FAM227B: variants seen among roughly 807,000 people sequenced by gnomAD.
The protein encoded by FAM227B is protein FAM227B.
FAM227B carries 88 observed loss-of-function variants against 73.8 expected under a neutral mutation model. The observed-to-expected ratio is 1.19, with a 90% confidence interval of 1.00 to 1.42. FAM227B has a LOEUF of 1.42. Ranked by LOEUF, FAM227B falls within the 40% of genes most tolerant of loss-of-function variation. The pLI, the probability that FAM227B is intolerant of heterozygous loss-of-function variation, is 0.00. For synonymous variants in FAM227B, 210 were observed against 190.5 expected, an observed-to-expected ratio of 1.10 and a Z score of -0.84; for missense variants, 632 against 590.9, an observed-to-expected ratio of 1.07 and a Z score of -0.72.
At chr15:49,408,947 T>C (rs764818720) in intron 11 of FAM227B, among the ~76,000 whole-genome samples, 1 of 152,186 alleles carries the variant, frequency 6.6e-6, no homozygotes, top group African/African-American at 2.4e-5. Flanking sequence ...TGAATGAGTA[T>C]ATAAATTCTA....
chr15:49,605,508 T>A (rs543650534), intron 3 of FAM227B, among the ~76,000 whole-genome samples: 2 of 151,950 alleles, frequency 1.3e-5, no homozygotes, highest in East Asian at 3.9e-4. Context: ...GACACTGAAG[T>A]GGGGGTTGGC....
chr15:49,572,664 G>A (rs776055064), intron 8 of FAM227B, among the ~76,000 whole-genome samples: 7 of 151,924 alleles, frequency 4.6e-5, no homozygotes, highest in Non-Finnish European at 8.8e-5. Flanking sequence ...TATACCTTCT[G>A]TTTGAGAGCA....
rs138096640 is a variant in FAM227B at position 49,378,414 on chromosome 15, T to C, written c.1013-7015A>G. Among the ~76,000 whole-genome samples, 87 of 152,280 alleles carry C rather than the reference T, an allele frequency of 5.7e-4. 1 individual carries two copies. In the East Asian group the frequency reaches 0.016, roughly 28 times the overall value. On this transcript the variant is annotated intron_variant, in intron 11 of 15. Transcript: ENST00000299338. Reference sequence around the variant, plus strand: ...GGTTAGTATGAACATGTTAACAATATTGATTATTCCAATCTGTGAACATTG... The same window carrying C: ...GGTTAGTATGAACATGTTAACAATACTGATTATTCCAATCTGTGAACATTG...
chr15:49,585,110 T>C (rs1201840941), intron 5 of FAM227B, among the ~76,000 whole-genome samples: 1 of 152,066 alleles, frequency 6.6e-6, no homozygotes, highest in African/African-American at 2.4e-5. Context: ...TCACTGGCCA[T>C]CAGAGAAATG....
At chr15:49,378,239 C>G (rs1312429194) in intron 11 of FAM227B, among the ~76,000 whole-genome samples, 2 of 151,154 alleles carry the variant, frequency 1.3e-5, no homozygotes, top group African/African-American at 4.9e-5. Context: ...TATGCCAGTA[C>G]CATGCTGTTT....
At chr15:49,590,641 G>A (rs1284039574) in intron 3 of FAM227B, among the ~76,000 whole-genome samples, 1 of 152,038 alleles carries the variant, frequency 6.6e-6, no homozygotes, top group East Asian at 1.9e-4. Context: ...CTGCCAAAAA[G>A]GTAATTAACA....
intron 9 of FAM227B, among the ~76,000 whole-genome samples, chr15:49,560,860 A>G (rs1230761372): frequency 6.6e-6 from 1 of 152,178 alleles, no homozygotes; most frequent in African/African-American, 2.4e-5. Context: ...TACCAGCCTT[A>G]TAAGAGATCA....
intron 12 of FAM227B, among the ~76,000 whole-genome samples, chr15:49,370,961 G>T (rs1225382584): frequency 6.6e-6 from 1 of 152,148 alleles, no homozygotes; most frequent in Non-Finnish European, 1.5e-5. Flanking sequence ...TTGAAGTTTT[G>T]CCTGCAGCTT....
intron 8 of FAM227B, among the ~76,000 whole-genome samples, chr15:49,568,831 T>C (rs561637671): frequency 6.6e-6 from 1 of 152,014 alleles, no homozygotes; most frequent in Non-Finnish European, 1.5e-5. Context: ...ATAAAAGATA[T>C]TGGTAGTTTC....
intron 3 of FAM227B, among the ~76,000 whole-genome samples, chr15:49,605,552 G>A (rs2077463642): frequency 6.6e-6 from 1 of 151,740 alleles, no homozygotes; most frequent in Non-Finnish European, 1.5e-5. Context: ...TCTGTTTTGG[G>A]GGATATCCTG....
intron 13 of FAM227B, among the ~76,000 whole-genome samples, chr15:49,355,904 C>G: frequency 6.6e-6 from 1 of 151,932 alleles, no homozygotes; most frequent in East Asian, 1.9e-4. Context: ...GGCAGAAACC[C>G]TACAAGCCAG....
chr15:49,411,957 C>A (rs1195394495), intron 11 of FAM227B, among the ~76,000 whole-genome samples: 1 of 152,062 alleles, frequency 6.6e-6, no homozygotes, highest in Admixed American at 6.6e-5. Context: ...TTGCAGATAA[C>A]CTAATAAGCT....
chr15:49,600,158 A>T (rs2077101333), intron 3 of FAM227B, among the ~76,000 whole-genome samples: 1 of 152,064 alleles, frequency 6.6e-6, no homozygotes, highest in African/African-American at 2.4e-5. Context: ...TTATTATATG[A>T]ATACCCTCTT....
intron 13 of FAM227B, among the ~76,000 whole-genome samples, chr15:49,367,034 G>A (rs1335233802): frequency 6.6e-6 from 1 of 152,080 alleles, no homozygotes; most frequent in Non-Finnish European, 1.5e-5. Flanking sequence ...TGTAAAAAAT[G>A]TTCTGATAAA....
At chr15:49,362,254 A>G (rs1042190426) in intron 13 of FAM227B, among the ~76,000 whole-genome samples, 5 of 152,002 alleles carry the variant, frequency 3.3e-5, no homozygotes, top group Non-Finnish European at 7.4e-5. Context: ...TGTTTTCATG[A>G]TAGTGAAAGT....
intron 11 of FAM227B, among the ~76,000 whole-genome samples, chr15:49,495,382 C>T (rs902441669): frequency 6.6e-6 from 1 of 152,050 alleles, no homozygotes; most frequent in African/African-American, 2.4e-5. Context: ...ACCAAATTTC[C>T]GGTTCTTTGG....
intron 11 of FAM227B, among the ~76,000 whole-genome samples, chr15:49,495,842 G>C (rs2057552041): frequency 6.6e-6 from 1 of 151,966 alleles, no homozygotes. Flanking sequence ...GGCCCACATG[G>C]AGAATCCCTG....
At chr15:49,526,775 T>A (rs4774539) in intron 10 of FAM227B, among the ~76,000 whole-genome samples, 2 of 151,780 alleles carry the variant, frequency 1.3e-5, no homozygotes, top group African/African-American at 2.4e-5. Context: ...CATCTCTATG[T>A]GTACAAACTA....
At chr15:49,418,819 A>G (rs2049396418) in intron 11 of FAM227B, among the ~76,000 whole-genome samples, 1 of 152,212 alleles carries the variant, frequency 6.6e-6, no homozygotes, top group African/African-American at 2.4e-5. Flanking sequence ...GTTGGACCAC[A>G]ATTTCAGATA....
Sources: allele counts gnomAD v4.1 joint callset (sites outside exome capture counted in the v4.1 genomes callset), GRCh38; gene constraint gnomAD v4.1.1; transcripts MANE v1.5; gene names NCBI Gene and HGNC (gene_info 2026-07-23, HGNC 2026-07-21).